The following CBR4 variants were observed in gnomAD, a reference collection of about 807,000 sequenced individuals.
CBR4 encodes carbonyl reductase 4, also known as 3-oxoacyl-[acyl-carrier-protein] reductase.
CBR4 carries 22 observed loss-of-function variants against 21.0 expected under a neutral mutation model. The ratio of observed to expected loss-of-function variants is 1.05; its 90% CI spans 0.75 to 1.50. The LOEUF is 1.50. Among genes scored for constraint, CBR4 ranks in the 40% most tolerant of loss-of-function variants. The probability of loss-of-function intolerance (pLI) is 0.00; values close to 1 mark genes in which losing one functional copy is unlikely to be tolerated. For missense variants in CBR4, 302 were observed against 286.3 expected, an observed-to-expected ratio of 1.05 and a Z score of -0.40; for synonymous variants, 100 against 104.4, an observed-to-expected ratio of 0.96 and a Z score of 0.26.
chr4:168,944,656 T>C (rs1763354499), intron 2 of CBR4, among the ~76,000 whole-genome samples: 1 of 152,224 alleles, frequency 6.6e-6, no homozygotes, highest in Non-Finnish European at 1.5e-5. Context: ...TAAACTGTAT[T>C]TCTTCAAAAG....
chr4:168,943,575 C>T (rs1268165681), intron 2 of CBR4, among the ~76,000 whole-genome samples: 1 of 152,090 alleles, frequency 6.6e-6, no homozygotes, highest in African/African-American at 2.4e-5. Flanking sequence ...ACTTCCAGCC[C>T]AAGTATCAGA....
At chr4:169,006,564 C>T (rs532416045) in intron 3 of CBR4, among the ~76,000 whole-genome samples, 191 bp downstream of exon 3, 1 of 152,182 alleles carries the variant, frequency 6.6e-6, no homozygotes, top group Admixed American at 6.5e-5. Flanking sequence ...TCATTTAACA[C>T]CTGCCTGACT....
chr4:168,954,298 T>C (rs772914973), intron 2 of CBR4, among the ~76,000 whole-genome samples: 39 of 152,210 alleles, frequency 2.6e-4, no homozygotes, highest in Non-Finnish European at 4.1e-4. Context: ...CAAGCTAGTA[T>C]TCTGTCTTAG....
chr4:168,984,279 C>A (rs1055385529), downstream of CBR4, among the ~76,000 whole-genome samples: 1 of 151,832 alleles, frequency 6.6e-6, no homozygotes, highest in African/African-American at 2.4e-5. Flanking sequence ...AAGCTGAAAG[C>A]CAAATAAAGA....
chr4:168,949,911 C>G (rs1763492450), intron 2 of CBR4, among the ~76,000 whole-genome samples: 1 of 151,988 alleles, frequency 6.6e-6, no homozygotes, highest in South Asian at 2.1e-4. Flanking sequence ...TAAAGGTGTT[C>G]ATAGTAGCCT....
chr4:168,947,404 T>C (rs998179824), intron 2 of CBR4, among the ~76,000 whole-genome samples: 1 of 152,146 alleles, frequency 6.6e-6, no homozygotes, highest in Admixed American at 6.6e-5. Flanking sequence ...TTTTTCCCCA[T>C]AGGTTACTGG....
intron 4 of CBR4, among the ~76,000 whole-genome samples, chr4:168,997,559 A>G (rs533520642): frequency 3.9e-5 from 6 of 152,064 alleles, no homozygotes; most frequent in Admixed American, 1.3e-4. Context: ...GCACCACTAT[A>G]CTCCAACCTA....
rs116836997 is a variant in CBR4, at chr4:168,907,421, T to A, written n.170-12656A>T. On this transcript the variant is annotated intron_variant and non_coding_transcript_variant, in intron 2 of 3. Transcript: ENST00000509108. ...TGTGTGGTCTTCTGACCTCCTGGCT[T>A]TTCCATTTTATCACCTCCATGGGAA... Among the ~76,000 whole-genome samples, 209 of 152,274 alleles carry A rather than the reference T, an allele frequency of 1.4e-3. 1 individual carries two copies. Among genetic ancestry groups the A allele is most frequent in the Admixed American group, 3.4e-3 (52 of 15,306 alleles).
intron 2 of CBR4, among the ~76,000 whole-genome samples, chr4:168,956,690 G>A (rs1043713025): frequency 1.4e-5 from 2 of 147,138 alleles, no homozygotes; most frequent in South Asian, 2.2e-4. Flanking sequence ...GTACCTTAAC[G>A]CTATTTCATT....
intron 2 of CBR4, among the ~76,000 whole-genome samples, chr4:168,977,385 G>C (rs1364257571): frequency 1.3e-5 from 2 of 152,102 alleles, no homozygotes; most frequent in African/African-American, 4.8e-5. Flanking sequence ...GCTCCAACTA[G>C]TCCTTCTTAG....
At chr4:169,006,172 T>C (rs1730895860) in intron 3 of CBR4, among the ~76,000 whole-genome samples, 1 of 152,098 alleles carries the variant, frequency 6.6e-6, no homozygotes, top group Non-Finnish European at 1.5e-5. Flanking sequence ...CTGTAGACAA[T>C]ATTATTTAGC....
At chr4:169,004,185 G>T (rs990471683) in intron 3 of CBR4, among the ~76,000 whole-genome samples, 4 of 152,102 alleles carry the variant, frequency 2.6e-5, no homozygotes, top group Non-Finnish European at 4.4e-5. Flanking sequence ...AAGACCCTCC[G>T]CCAGCAAAGA....
intron 2 of CBR4, among the ~76,000 whole-genome samples, chr4:168,915,086 T>G (rs1297988290): frequency 6.6e-6 from 1 of 152,010 alleles, no homozygotes; most frequent in Non-Finnish European, 1.5e-5. Context: ...CCTGGAAAGC[T>G]TTTTTTCCCA....
chr4:168,964,499 A>T (rs145656324), intron 2 of CBR4, among the ~76,000 whole-genome samples: 1 of 152,336 alleles, frequency 6.6e-6, no homozygotes, highest in Non-Finnish European at 1.5e-5. Context: ...TTTGGTAAGC[A>T]GTGGTAAAAA....
chr4:168,977,246 A>G (rs962150364), intron 2 of CBR4, among the ~76,000 whole-genome samples: 3 of 151,994 alleles, frequency 2.0e-5, no homozygotes, highest in Non-Finnish European at 4.4e-5. Flanking sequence ...TATTGAAGTT[A>G]CCAATGATTT....
chr4:169,008,507 T>A (rs1216927157), intron 1 of CBR4, among the ~76,000 whole-genome samples: 1 of 152,218 alleles, frequency 6.6e-6, no homozygotes, highest in African/African-American at 2.4e-5. Context: ...CTGACCTTGA[T>A]AAATATGCTT....
intron 2 of CBR4, among the ~76,000 whole-genome samples, chr4:168,941,103 A>G (rs1413900667): frequency 6.6e-6 from 1 of 152,128 alleles, no homozygotes; most frequent in Non-Finnish European, 1.5e-5. Context: ...CAAACACCAC[A>G]TGTTCTCACT....
At chr4:168,974,042 T>C (rs561317657) in intron 2 of CBR4, among the ~76,000 whole-genome samples, 21 of 152,234 alleles carry the variant, frequency 1.4e-4, no homozygotes, top group African/African-American at 5.1e-4. Context: ...TTTAAGGAGG[T>C]TCTATTTTGG....
chr4:168,924,276 C>T, intron 2 of CBR4: 1 of 1,613,976 alleles, frequency 6.2e-7, no homozygotes, highest in Non-Finnish European at 8.5e-7. Flanking sequence ...CACAAACCCC[C>T]TGTGTTTATT....
Sources: allele counts gnomAD v4.1 joint callset (sites outside exome capture counted in the v4.1 genomes callset), GRCh38; gene constraint gnomAD v4.1.1; transcripts MANE v1.5; gene names NCBI Gene and HGNC (gene_info 2026-07-23, HGNC 2026-07-21).